The following PRKCG variants were observed in gnomAD, a reference collection of about 807,000 sequenced individuals.
PRKCG encodes the protein protein kinase C gamma.
A neutral mutation model predicts 82.0 loss-of-function variants in PRKCG; 28 were observed. The ratio of observed to expected loss-of-function variants is 0.34; its 90% confidence interval spans 0.25 to 0.47. PRKCG has a LOEUF of 0.47. Ranked by LOEUF, PRKCG falls within the 20% of genes least tolerant of loss-of-function variation. The pLI, the probability that PRKCG is intolerant of heterozygous loss-of-function variation, is 1.00. For missense variants in PRKCG, 640 were observed against 952.7 expected, an observed-to-expected ratio of 0.67 and a Z score of 4.32; for synonymous variants, 383 against 376.6, an observed-to-expected ratio of 1.02 and a Z score of -0.20.
Position 53,898,569 on chromosome 19 carries a change from CGGGGTCCTGGCGG to C in PRKCG, c.1223_1235del (p.Arg408ProfsTer22). 1 of 1,611,564 alleles carries C rather than the reference CGGGGTCCTGGCGG, an allele frequency of 6.2e-7. No individual in the cohort carries two copies. The highest frequency in any genetic ancestry group is 1.3e-5 in the African/African-American group (1 of 74,926). Reference sequence around the variant, plus strand: ...GAAACGTGTGCTGGCGCTGGGGGGCCGGGGTCCTGGCGGCCGGCCCCACTTCCTCACCCAGCTC... The same window carrying C: ...GAAACGTGTGCTGGCGCTGGGGGGCCCCGGCCCCACTTCCTCACCCAGCTC... On this transcript the variant is annotated frameshift_variant, in exon 11 of 18. Transcript: ENST00000263431. LOFTEE classifies it high-confidence loss of function.
At chr19:53,902,197 T>A (rs534231101) in intron 14 of PRKCG, among the ~76,000 whole-genome samples, 4 of 152,238 alleles carry the variant, frequency 2.6e-5, no homozygotes, top group South Asian at 4.1e-4. Flanking sequence ...GCAGATCACT[T>A]GAGGTCAGGA....
intron 16 of PRKCG, among the ~76,000 whole-genome samples, chr19:53,905,565 T>G (rs535957729): frequency 1.3e-5 from 2 of 151,432 alleles, no homozygotes; most frequent in East Asian, 3.9e-4. Flanking sequence ...CTTCTCTGAG[T>G]TTCTGCCTTC....
chr19:53,899,165 C>T (rs2068743540), intron 11 of PRKCG, among the ~76,000 whole-genome samples: 1 of 151,426 alleles, frequency 6.6e-6, no homozygotes, highest in Admixed American at 6.6e-5. Context: ...CGGTGAGTTC[C>T]TCGGTGGCAT....
chr19:53,887,829 CAAAAAAA>C (rs60094916), intron 3 of PRKCG, among the ~76,000 whole-genome samples: 2 of 57,658 alleles, frequency 3.5e-5, no homozygotes, highest in Admixed American at 1.9e-4. Context: ...GACTCCATCT[CAAAAAAA>C]AAAAAAAAAA....
chr19:53,882,349 C>T lies in PRKCG; in HGVS notation c.-146C>T. 3.2e-6 allele frequency: 4 copies of T among 1,237,410 alleles called. No homozygotes were observed. The highest frequency in any genetic ancestry group is 1.6e-5 in the African/African-American group (1 of 63,246). 76.7% of individuals were successfully genotyped at this position (1,237,410 alleles called of 1,614,324 possible). On this transcript the variant is annotated 5_prime_UTR_variant, in exon 1 of 18. Transcript: ENST00000263431. This position sits in a 1 kb window ranked among gnomAD's most constrained non-coding sequence, Gnocchi z 6.1. ...GTGCCGCTCCCTGCCTGGCGCGCTC[C>T]GCACCTGGAGGTGCCTTGCCCCTCT...
chr19:53,899,206 G>T, intron 11 of PRKCG, among the ~76,000 whole-genome samples: 1 of 151,982 alleles, frequency 6.6e-6, no homozygotes, highest in South Asian at 2.1e-4. Context: ...TCCTGCGGAG[G>T]TGTCGTGAAG....
In PRKCG at chr19:53,887,834, A is replaced by G. The variant is rs926972137; in HGVS notation, c.286-1804A>G. ...GACAGAGTGAGACTCCATCTCAAAA[A>G]AAAAAAAAAAAAAAAAGTAACATGG... On this transcript the variant is annotated intron_variant, in intron 3 of 17. Transcript: ENST00000263431. Among the ~76,000 whole-genome samples the G allele has an allele frequency of 1.7e-3, 256 of 151,618 alleles. 1 individual carries two copies. Among genetic ancestry groups the G allele is most frequent in the Non-Finnish European group, 2.6e-3 (174 of 67,858 alleles).
upstream of PRKCG, chr19:53,881,944 G>T: frequency 5.4e-6 from 1 of 185,048 alleles, no homozygotes. Context: ...GGGACCCCAG[G>T]GCGCCCACAG....
At chr19:53,898,382 A>AGGTCC (rs1448371406) in intron 10 of PRKCG, 58 bp from the exon 11 acceptor site, 17 of 1,596,930 alleles carry the variant, frequency 1.1e-5, no homozygotes, top group Non-Finnish European at 1.5e-5. Context: ...GGGAGGGGGC[A>AGGTCC]GGTCCTGTAC....
At chr19:53,891,920 G>T (rs542334325) in intron 6 of PRKCG, 90 bp downstream of exon 6, 3 of 1,562,598 alleles carry the variant, frequency 1.9e-6, no homozygotes, top group Admixed American at 1.7e-5. Flanking sequence ...GATGGGAGGG[G>T]TTAGGATAGA....
chr19:53,882,221 G>A lies in PRKCG; in HGVS notation c.-274G>A. ...CACATTTCAGCAGGTGCCGGAGCTG[G>A]AGCTCCCACCGCCGCCGCCCGTGCC... is the stretch of plus-strand genomic sequence containing the variant. On this transcript the variant is annotated 5_prime_UTR_variant, in exon 1 of 18. Coordinates refer to ENST00000263431, the MANE Select transcript of PRKCG (RefSeq NM_002739.5). The surrounding 1 kb of genome is among the most constrained non-coding windows in gnomAD (Gnocchi z 6.1). 1 of 503,590 alleles carries A rather than the reference G, an allele frequency of 2.0e-6. No individual in the cohort carries two copies. The highest frequency in any genetic ancestry group is 3.6e-6 in the Non-Finnish European group (1 of 275,522). The allele number at this position is 503,590 out of a possible 1,614,324, so 31.2% of individuals were successfully genotyped here.
rs77674196 is a variant in PRKCG at position 53,889,452 on chromosome 19, G to A, written c.286-186G>A. 2.3e-3 allele frequency among the ~76,000 whole-genome samples: 344 copies of A among 151,572 alleles called. 2 individuals carry two copies. The highest frequency in any genetic ancestry group is 4.2e-3 in the Admixed American group (64 of 15,236). ...TTTTTTTTTCATTTGTTTAATGCTGGGTCCCCACACCAAGAACAGTCCCTG... is the reference window on the plus strand; with the variant it reads ...TTTTTTTTTCATTTGTTTAATGCTGAGTCCCCACACCAAGAACAGTCCCTG... On this transcript the variant is annotated intron_variant, in intron 3 of 17. Coordinates refer to ENST00000263431, the MANE Select transcript of PRKCG (RefSeq NM_002739.5). The surrounding 1 kb of genome is among the most constrained non-coding windows in gnomAD (Gnocchi z 4.4).
Position 53,907,462 on chromosome 19 carries a change from T to A in PRKCG, c.*567T>A, listed in dbSNP as rs1057182500. The A allele has an allele frequency of 1.8e-5, 3 of 163,822 alleles. No homozygotes were observed. Among genetic ancestry groups the A allele is most frequent in the African/African-American group, 7.2e-5 (3 of 41,568 alleles). 10.1% of individuals were successfully genotyped at this position (163,822 alleles called of 1,614,324 possible). ...CTCCCAATCAGCTTTTGTTCTAGACTTCCCCATCCCGAAGCCATCACTTCT... is the reference window on the plus strand; with the variant it reads ...CTCCCAATCAGCTTTTGTTCTAGACATCCCCATCCCGAAGCCATCACTTCT... On this transcript the variant is annotated 3_prime_UTR_variant, in exon 18 of 18. Transcript: ENST00000263431.
intron 11 of PRKCG, among the ~76,000 whole-genome samples, chr19:53,899,549 C>T (rs2068747186): frequency 6.6e-6 from 1 of 151,902 alleles, no homozygotes; most frequent in East Asian, 1.9e-4. Flanking sequence ...TGAGAGTGGC[C>T]AGCCACCTGG....
chr19:53,906,084 C>CCTTCTTCTTCTTCTTCTTCTTCTT (rs1199099703), intron 16 of PRKCG, among the ~76,000 whole-genome samples: 39 of 27,974 alleles, frequency 1.4e-3, no homozygotes, highest in South Asian at 4.1e-3. Flanking sequence ...TCCTCCTCCT[C>CCTTCTTCTTCTTCTTCTTCTTCTT]CTTCTTCTTC....
chr19:53,906,072 C>CTTCTTCTTCTTCTT (rs2068804789), intron 16 of PRKCG, among the ~76,000 whole-genome samples: 4 of 52,290 alleles, frequency 7.6e-5, no homozygotes, highest in Admixed American at 1.7e-4. Context: ...TCCTCCTCCT[C>CTTCTTCTTCTTCTT]CTCCTCCTCC....
At chr19:53,905,817 A>C (rs1435913100) in intron 16 of PRKCG, among the ~76,000 whole-genome samples, 46 of 85,736 alleles carry the variant, frequency 5.4e-4, no homozygotes, top group South Asian at 1.4e-3. Flanking sequence ...CCTCTTCTCC[A>C]TCTCCCTCAT....
chr19:53,881,361 C>T (rs1178868243), upstream of PRKCG, among the ~76,000 whole-genome samples: 2 of 151,552 alleles, frequency 1.3e-5, no homozygotes, highest in Admixed American at 1.3e-4. Context: ...AAGACAGAGA[C>T]GGACTCCCAA....
rs954889760 is a variant in PRKCG at position 53,882,329 on chromosome 19, G to T, written c.-166G>T. The T allele has an allele frequency of 2.9e-6, 3 of 1,044,824 alleles. No individual in the cohort carries two copies. The highest frequency in any genetic ancestry group is 4.2e-6 in the Non-Finnish European group (3 of 720,912). 64.7% of individuals were successfully genotyped at this position (1,044,824 alleles called of 1,614,324 possible). ...GCGGAGCCGGCGCGCCCGGGGTGCC[G>T]CTCCCTGCCTGGCGCGCTCCGCACC... On this transcript the variant is annotated 5_prime_UTR_variant, in exon 1 of 18. Transcript: ENST00000263431. The surrounding 1 kb of genome is among the most constrained non-coding windows in gnomAD (Gnocchi z 6.1).
Sources: gnomAD v4.1 joint callset for allele counts (sites outside exome capture counted in the v4.1 genomes callset) on GRCh38, gnomAD v4.1.1 for gene constraint, Gnocchi (gnomAD v3.1) non-coding constraint, MANE v1.5 for transcripts, NCBI Gene and HGNC (gene_info 2026-07-23, HGNC 2026-07-21) for gene names.